FRMPD1: variants seen among roughly 807,000 people sequenced by gnomAD.
The protein encoded by FRMPD1 is FERM and PDZ domain containing 1, also known as FERM and PDZ domain-containing protein 1.
A neutral mutation model predicts 117.8 loss-of-function variants in FRMPD1; 76 were observed. The ratio of observed to expected loss-of-function variants is 0.65; its 90% CI spans 0.54 to 0.78. The LOEUF is 0.78. Ranked by LOEUF, FRMPD1 falls within the 30% of genes least tolerant of loss-of-function variation. FRMPD1 has a pLI of 0.00. For missense variants in FRMPD1, 1,786 were observed against 1,964.5 expected (o/e 0.91, Z 1.72); for synonymous variants, 783 against 770.4 (o/e 1.02, Z -0.27).
chr9:37,611,253 G>A, the FRMPD1 span, among the ~76,000 whole-genome samples: 4 of 152,186 alleles, frequency 2.6e-5, no homozygotes, highest in Non-Finnish European at 5.9e-5. Context: ...TATGTGAGAG[G>A]TTAGAAGCTC....
the FRMPD1 span, among the ~76,000 whole-genome samples, chr9:37,624,290 T>C: frequency 6.6e-6 from 1 of 152,144 alleles, no homozygotes; most frequent in Non-Finnish European, 1.5e-5. Flanking sequence ...CTGGTCAAAC[T>C]CACCTGAAAT....
intron 2 of FRMPD1, among the ~76,000 whole-genome samples, chr9:37,695,535 C>A (rs1419321676): frequency 2.0e-5 from 3 of 152,154 alleles, no homozygotes; most frequent in South Asian, 4.1e-4. Context: ...TAGGATAAAT[C>A]ATTTGTAGCC....
intron 5 of FRMPD1, among the ~76,000 whole-genome samples, chr9:37,712,417 G>A (rs149119279): frequency 0.026 from 3,968 of 152,254 alleles, 86 homozygotes; most frequent in South Asian, 0.08. Context: ...GTGCAATGGC[G>A]TGATCTCAGT....
chr9:37,705,833 C>T (rs567131540), intron 2 of FRMPD1, among the ~76,000 whole-genome samples: 10 of 151,660 alleles, frequency 6.6e-5, no homozygotes, highest in Admixed American at 2.0e-4. Flanking sequence ...AAAAATTAAC[C>T]GGGTGTGGTA....
At chr9:37,701,664 G>T (rs1822538748) in intron 2 of FRMPD1, among the ~76,000 whole-genome samples, 1 of 152,070 alleles carries the variant, frequency 6.6e-6, no homozygotes, top group Admixed American at 6.6e-5. Flanking sequence ...TGAATGACTT[G>T]GTCCTGGAGG....
At chr9:37,735,837 T>C (rs898301887) in intron 13 of FRMPD1, 103 bp downstream of exon 13, 20 of 741,150 alleles carry the variant, frequency 2.7e-5, no homozygotes, top group South Asian at 9.6e-5. Flanking sequence ...AAGTCTAATG[T>C]CCAATATCTG....
chr9:37,605,170 TG>T, the FRMPD1 span, among the ~76,000 whole-genome samples: 1 of 152,180 alleles, frequency 6.6e-6, no homozygotes, highest in East Asian at 1.9e-4. Context: ...AGCCTGGGGC[TG>T]GGAAGGTAAT....
At chr9:37,648,279 A>C (rs1820556443), upstream of FRMPD1, among the ~76,000 whole-genome samples, 1 of 152,108 alleles carries the variant, frequency 6.6e-6, no homozygotes, top group South Asian at 2.1e-4. Context: ...TTTTTTTAAC[A>C]CTATGTTATG....
chr9:37,733,529 G>A lies in FRMPD1; in HGVS notation c.1052G>A (p.Gly351Asp). 6.2e-7 allele frequency: 1 copy of A among 1,613,620 alleles called. No homozygotes were observed. The highest frequency in any genetic ancestry group is 8.5e-7 in the Non-Finnish European group (1 of 1,179,596). ...CCAACTTTACTCCGAAACATGAAAG[G>A]CAAAGACATCAAGAAAGCCATTAGC... ...ISPTLLRNMK[G>D]KDIKKAISFH... Residue 351 changes from glycine (G) to aspartate (D), a missense_variant, in exon 11 of 16, where the codon GGC (glycine) becomes GAC (aspartate). Transcript: ENST00000377765.
chr9:37,742,913 A>C (rs1824489882), intron 15 of FRMPD1, among the ~76,000 whole-genome samples: 1 of 152,102 alleles, frequency 6.6e-6, no homozygotes, highest in Non-Finnish European at 1.5e-5. Context: ...AACAAAAAAC[A>C]AAAAAACCTA....
chr9:37,693,093 A>ATCTC (rs10647983), intron 2 of FRMPD1: 70,193 of 216,564 alleles, frequency 0.32, 12,935 homozygotes, highest in Non-Finnish European at 0.4. Context: ...CACTCTTTTG[A>ATCTC]TCTCTCTCTG....
Position 37,707,354 on chromosome 9 carries a change from CA to C in FRMPD1, c.102-61del. 2.1e-6 allele frequency: 3 copies of C among 1,423,886 alleles called. No individual in the cohort carries two copies. The South Asian group carries it at 3.7e-5, about 18-fold the overall frequency. 88.2% of individuals were successfully genotyped at this position (1,423,886 alleles called of 1,614,324 possible). A position where few individuals can be genotyped will look rare whatever the true frequency, so the allele number is the denominator to read the frequency against. ...TTCTCCATGATGCTTAGGGCTGACC[CA>C]GTTCGTGACCAACAACTAGAGTCTT... is the stretch of plus-strand genomic sequence containing the variant. On this transcript the variant is annotated intron_variant, in intron 2 of 15. Coordinates refer to ENST00000377765, the MANE Select transcript of FRMPD1 (RefSeq NM_014907.3).
chr9:37,744,091 G>A (rs1240301288), intron 15 of FRMPD1, among the ~76,000 whole-genome samples: 2 of 152,034 alleles, frequency 1.3e-5, no homozygotes, highest in Non-Finnish European at 2.9e-5. Flanking sequence ...CCGGGGGGAT[G>A]AGGCAGGAGA....
chr9:37,744,737 T>C lies in FRMPD1; in HGVS notation c.2705T>C (p.Leu902Ser), dbSNP rs1192012449. Residue 902 changes from leucine (L) to serine (S), a missense_variant, in exon 16 of 16, where the codon TTG (leucine) becomes TCG (serine). Coordinates refer to ENST00000377765, the MANE Select transcript of FRMPD1 (RefSeq NM_014907.3). ...GEPGLLETKA[L>S]GLLAPLRETK... ...CCTGGCCTTCTGGAGACCAAGGCCT[T>C]GGGGCTGCTGGCTCCTCTGAGGGAG... The C allele has an allele frequency of 1.9e-6, 3 of 1,613,948 alleles. No individual in the cohort carries two copies. Among genetic ancestry groups the C allele is most frequent in the East Asian group, 2.2e-5 (1 of 44,896 alleles).
At chr9:37,653,152 G>A (rs997002875) in intron 1 of FRMPD1, among the ~76,000 whole-genome samples, 1 of 152,166 alleles carries the variant, frequency 6.6e-6, no homozygotes, top group Admixed American at 6.5e-5. Flanking sequence ...TGGAATCCTC[G>A]CTGGCTGTGG....
chr9:37,742,492 A>G (rs1052983020), intron 15 of FRMPD1, among the ~76,000 whole-genome samples: 1 of 152,252 alleles, frequency 6.6e-6, no homozygotes, highest in Admixed American at 6.5e-5. Flanking sequence ...CTGACTGACT[A>G]TTGGAGCCTC....
chr9:37,638,012 C>CT, the FRMPD1 span, among the ~76,000 whole-genome samples: 1 of 125,152 alleles, frequency 8.0e-6, no homozygotes, highest in East Asian at 4.3e-4. Flanking sequence ...TTCTTTCTTT[C>CT]TTTCTTTCTT....
rs778026562 is a variant in FRMPD1, at chr9:37,719,138, C to T, written c.478C>T (p.His160Tyr). 10 of 1,613,136 alleles carry T rather than the reference C, an allele frequency of 6.2e-6. No individual in the cohort carries two copies. In the South Asian group the frequency reaches 8.8e-5, roughly 14 times the overall value. ...ACTGAAGACCAACCCCGTGAAGGTGCACTTTGCTGAAGAAGTGCTCATCAG... is the reference window on the plus strand; with the variant it reads ...ACTGAAGACCAACCCCGTGAAGGTGTACTTTGCTGAAGAAGTGCTCATCAG... ...ARLKTNPVKV[H>Y]FAEEVLISGH... is the part of the protein sequence containing the mutation. The change falls in exon 6 of 16, where the codon CAC becomes TAC. Residue 160 changes from histidine (H) to tyrosine (Y), a missense_variant. Coordinates refer to ENST00000377765, the MANE Select transcript of FRMPD1 (RefSeq NM_014907.3).
chr9:37,745,969 G>A lies in FRMPD1; in HGVS notation c.3937G>A (p.Ala1313Thr). The A allele has an allele frequency of 6.2e-7, 1 of 1,614,244 alleles. No individual in the cohort carries two copies. Among genetic ancestry groups the A allele is most frequent in the Non-Finnish European group, 8.5e-7 (1 of 1,180,040 alleles). ...TGAAGTCTCTGCCAGTCTCAGGGTGGCCACATCTTTGGGTTTTGCAGGCAT... is the reference window on the plus strand; with the variant it reads ...TGAAGTCTCTGCCAGTCTCAGGGTGACCACATCTTTGGGTTTTGCAGGCAT... ...HPEVSASLRV[A>T]TSLGFAGMNE... The change falls in exon 16 of 16, where the codon GCC becomes ACC. Residue 1313 changes from alanine to threonine, a missense_variant. Ala to Thr is a moderately conservative substitution (Grantham distance 58). Coordinates refer to ENST00000377765, the MANE Select transcript of FRMPD1 (RefSeq NM_014907.3).
Sources: gnomAD v4.1 joint callset for allele counts (sites outside exome capture counted in the v4.1 genomes callset) on GRCh38, gnomAD v4.1.1 for gene constraint, MANE v1.5 for transcripts, NCBI Gene and HGNC (gene_info 2026-07-23, HGNC 2026-07-21) for gene names.